The following GBP4 variants were observed in gnomAD, a reference collection of about 807,000 sequenced individuals.
GBP4 encodes the protein guanylate binding protein 4.
A neutral mutation model predicts 62.2 loss-of-function variants in GBP4; 69 were observed. The observed-to-expected ratio is 1.11, with a 90% confidence interval of 0.91 to 1.36. The LOEUF is 1.36. Among genes scored for constraint, GBP4 ranks in the 40% most tolerant of loss-of-function variants. The probability of loss-of-function intolerance (pLI) is 0.00; values close to 1 mark genes in which losing one functional copy is unlikely to be tolerated. For synonymous variants in GBP4, 278 were observed against 274.6 expected, an observed-to-expected ratio of 1.01 and a Z score of -0.12; for missense variants, 697 against 759.3, an observed-to-expected ratio of 0.92 and a Z score of 0.96.
rs1406425990 is a variant in GBP4, at chr1:89,190,195, T to C, written c.1040A>G (p.Asp347Gly). The change falls in exon 7 of 11, where the codon GAC (aspartate) becomes GGC (glycine). Residue 347 changes from aspartate (D) to glycine (G), a missense_variant. By Grantham distance (94) the Asp-to-Gly change is moderately conservative (BLOSUM62 -1). This residue lies in a region of GBP4 where 556 missense variants were observed against 562.7 expected (regional missense o/e 0.99). Transcript: ENST00000355754. ...ENPAAVQRAA[D>G]HYSQQMAQQL... The stretch of plus-strand genomic sequence containing the variant: ...CTGGGCCATCTGCTGGCTATAGTGG[T>C]CGGCTGCCCTCTGCACAGCCGCTGG... The C allele has an allele frequency of 6.2e-7, 1 of 1,614,060 alleles. No individual in the cohort carries two copies. Among genetic ancestry groups the C allele is most frequent in the African/African-American group, 1.3e-5 (1 of 74,920 alleles).
chr1:89,191,629 A>G, intron 5 of GBP4, 123 bp from the exon 6 acceptor site: 1 of 988,982 alleles, frequency 1.0e-6, no homozygotes. Flanking sequence ...GTTTTATGCA[A>G]TCATACAAAA....
chr1:89,188,823 G>A (rs772273250), intron 7 of GBP4, 29 bp from the exon 8 acceptor site: 2 of 1,610,912 alleles, frequency 1.2e-6, no homozygotes, highest in Admixed American at 3.3e-5. Flanking sequence ...GAAAACAGTA[G>A]AAAGAAGCTG....
chr1:89,195,515 G>A (rs1648311498), intron 2 of GBP4, 91 bp from the exon 3 acceptor site: 1 of 1,466,516 alleles, frequency 6.8e-7, no homozygotes, highest in East Asian at 2.3e-5. Flanking sequence ...GAATGTTTAA[G>A]TGGCTGACAG....
intron 3 of GBP4, among the ~76,000 whole-genome samples, chr1:89,194,419 C>A (rs1648270341): frequency 6.6e-6 from 1 of 152,126 alleles, no homozygotes; most frequent in Admixed American, 6.5e-5. Context: ...ATGAAAACTA[C>A]AACATATTAA....
At position 89,191,485 on chromosome 1, in the gene GBP4, T is replaced by G; in HGVS notation, c.692A>C (p.Asn231Thr). ...GATACACTCTCTAGGCATGTTTGAATTTTGAATTTTGGGATTCTTGCCTGT... is the reference window on the plus strand; with the variant it reads ...GATACACTCTCTAGGCATGTTTGAAGTTTGAATTTTGGGATTCTTGCCTGT... ...LIPGKNPKIQ[N>T]SNMPRECIRH... The change falls in exon 6 of 11, where the codon AAT becomes ACT. Residue 231 changes from asparagine to threonine, a missense_variant. Transcript: ENST00000355754. 1 of 1,612,982 alleles carries G rather than the reference T, an allele frequency of 6.2e-7. No individual in the cohort carries two copies. The highest frequency in any genetic ancestry group is 1.1e-5 in the South Asian group (1 of 91,004).
intron 6 of GBP4, 42 bp from the exon 7 acceptor site, chr1:89,190,360 A>G (rs770714474): frequency 2.7e-6 from 4 of 1,498,050 alleles, no homozygotes; most frequent in East Asian, 2.3e-5. Context: ...GTTCTTACTC[A>G]TTATTTATAC....
rs1293799411 is a variant in GBP4, at chr1:89,183,575, T to G, written c.*1679A>C. ...GGAGATCTAATTAAATTAAAGAGCT[T>G]CTGCACATCAAAAGAAACTATTGGC... On this transcript the variant is annotated 3_prime_UTR_variant, in exon 11 of 11. Transcript: ENST00000355754. 1.3e-5 allele frequency: 2 copies of G among 152,148 alleles called. No homozygotes were observed. The highest frequency in any genetic ancestry group is 6.5e-5 in the Admixed American group (1 of 15,284). 9.4% of individuals were successfully genotyped at this position (152,148 alleles called of 1,614,324 possible).
At chr1:89,186,190 T>C in intron 10 of GBP4, 143 bp downstream of exon 10, 1 of 667,738 alleles carries the variant, frequency 1.5e-6, no homozygotes, top group Non-Finnish European at 2.6e-6. Context: ...CAGTAGAATT[T>C]AGATGTATTT....
Position 89,193,831 on chromosome 1 carries a change from C to G in GBP4, c.364-419G>C, listed in dbSNP as rs1648254412. ...TTTGTGGATATAAAGTTCCTCACGA[C>G]AGTCCCTGCCTTCAAGAAGATGGCT... On this transcript the variant is annotated intron_variant, in intron 3 of 10. Transcript: ENST00000355754. Among the ~76,000 whole-genome samples the G allele has an allele frequency of 3.3e-5, 5 of 152,208 alleles. No homozygotes were observed. The South Asian group carries it at 1.0e-3, about 31-fold the overall frequency.
At chr1:89,186,212 G>T in intron 10 of GBP4, 121 bp downstream of exon 10, 1 of 752,916 alleles carries the variant, frequency 1.3e-6, no homozygotes, top group South Asian at 1.8e-5. Context: ...AGATTTTAGT[G>T]AAACATACAA....
chr1:89,197,007 G>T, intron 2 of GBP4, 103 bp downstream of exon 2: 2 of 859,054 alleles, frequency 2.3e-6, no homozygotes, highest in Non-Finnish European at 3.5e-6. Flanking sequence ...TTTCTTCATT[G>T]GGAGAAGTCA....
rs774936219 is a variant in GBP4, at chr1:89,188,654, TC to T, written c.1337del (p.Gly446AspfsTer6). The T allele has an allele frequency of 6.8e-6, 11 of 1,614,230 alleles. No homozygotes were observed. The highest frequency in any genetic ancestry group is 5.0e-5 in the Admixed American group (3 of 60,026). On this transcript the variant is annotated frameshift_variant, in exon 8 of 11. Transcript: ENST00000355754. LOFTEE classifies it high-confidence loss of function. ...TCTTTTCTTCTAAGTAGAGATTGTG[TC>T]CTCCAGGAACAGAGAAAATTCCTCT... is the stretch of plus-strand genomic sequence containing the variant. ...ILRGIFSVPGGHNLYLEEKKQ... is the reference protein window; with the variant it reads ...ILRGIFSVPGXHNLYLEEKKQ...
rs759400322 is a variant in GBP4, at chr1:89,192,988, G to A, written c.586C>T (p.Arg196Trp). 118 of 1,613,916 alleles carry A rather than the reference G, an allele frequency of 7.3e-5. No homozygotes were observed. The highest frequency in any genetic ancestry group is 5.8e-4 in the South Asian group (53 of 91,094). ...SFFPDFIWTV[R>W]DFTLELKLDG... ...AACTTTAGCTCCAGGGTAAAATCCC[G>A]AACAGTCCAAATAAAGTCTGGAAAG... The change falls in exon 5 of 11, where the codon CGG (arginine) becomes TGG (tryptophan). Residue 196 changes from arginine (R) to tryptophan (W), a missense_variant. Transcript: ENST00000355754.
intron 3 of GBP4, 141 bp from the exon 4 acceptor site, chr1:89,193,553 C>T (rs1648246592): frequency 1.5e-6 from 1 of 658,502 alleles, no homozygotes; most frequent in East Asian, 2.7e-5. Flanking sequence ...ATGCTGAATT[C>T]AAACTTCATA....
chr1:89,192,898 T>A lies in GBP4; in HGVS notation c.670+6A>T. ...ACCTTCCCACATCCAGGCCATGCTCTGATACCTGGAATCAGCTTCAAGGCA... is the reference window on the plus strand; with the variant it reads ...ACCTTCCCACATCCAGGCCATGCTCAGATACCTGGAATCAGCTTCAAGGCA... On this transcript the variant is annotated splice_donor_region_variant and intron_variant, in intron 5 of 10. Coordinates refer to ENST00000355754, the MANE Select transcript of GBP4 (RefSeq NM_052941.5). The A allele has an allele frequency of 6.2e-7, 1 of 1,613,058 alleles. No homozygotes were observed. Among genetic ancestry groups the A allele is most frequent in the South Asian group, 1.1e-5 (1 of 91,006 alleles).
At position 89,195,342 on chromosome 1, in the gene GBP4, G is replaced by A. The variant is rs548521931; in HGVS notation, c.318C>T (p.His106=). ...WCVPHLSKPN[H]TLVLLDTEGL... is the part of the protein sequence containing the mutation. ...CCTCGGTGTCCAGAAGGACCAGGGT[G>A]TGGTTTGGCTTAGAGAGGTGGGGCA... Residue 106 remains histidine, a synonymous_variant, in exon 3 of 11, where the codon CAC becomes CAT. Transcript: ENST00000355754. 5 of 1,614,072 alleles carry A rather than the reference G, an allele frequency of 3.1e-6. No individual in the cohort carries two copies. Among genetic ancestry groups the A allele is most frequent in the African/African-American group, 2.7e-5 (2 of 75,030 alleles).
chr1:89,196,617 A>T (rs757501054), intron 2 of GBP4, among the ~76,000 whole-genome samples: 5 of 152,268 alleles, frequency 3.3e-5, no homozygotes, highest in Admixed American at 6.5e-5. Flanking sequence ...TTCACATATT[A>T]GAAAGACTAA....
rs1231526930 is a variant in GBP4 at position 89,181,942 on chromosome 1, C to T, written c.*3312G>A. ...CTAAAATACCTAAAAATACAGCTAA[C>T]CAAGGAAGCAAAAGATATATATAAT... On this transcript the variant is annotated 3_prime_UTR_variant, in exon 11 of 11. Coordinates refer to ENST00000355754, the MANE Select transcript of GBP4 (RefSeq NM_052941.5). 6.6e-6 allele frequency: 1 copy of T among 152,000 alleles called. No homozygotes were observed. The highest frequency in any genetic ancestry group is 1.5e-5 in the Non-Finnish European group (1 of 68,006). The allele number at this position is 152,000 out of a possible 1,614,324, so 9.4% of individuals were successfully genotyped here.
In GBP4 at chr1:89,198,859, C is replaced by G; in HGVS notation, c.-25G>C. Reference sequence around the variant, plus strand: ...TTGCTCTGTCCTCCTGCGCCTGGATCCTCGAGAAACGGACTGTTCTTAGAA... The same window carrying G: ...TTGCTCTGTCCTCCTGCGCCTGGATGCTCGAGAAACGGACTGTTCTTAGAA... On this transcript the variant is annotated 5_prime_UTR_variant, in exon 1 of 11. Coordinates refer to ENST00000355754, the MANE Select transcript of GBP4 (RefSeq NM_052941.5). 2 of 1,611,254 alleles carry G rather than the reference C, an allele frequency of 1.2e-6. No homozygotes were observed. Among genetic ancestry groups the G allele is most frequent in the Non-Finnish European group, 1.7e-6 (2 of 1,177,384 alleles).
Sources: gnomAD v4.1 joint callset for allele counts (sites outside exome capture counted in the v4.1 genomes callset) on GRCh38, gnomAD v4.1.1 for gene constraint, gnomAD v4.1.1 regional missense constraint, MANE v1.5 for transcripts, NCBI Gene and HGNC (gene_info 2026-07-23, HGNC 2026-07-21) for gene names.